Variants in METTL15 observed in about 807,000 individuals in gnomAD.
METTL15 encodes the protein 12S rRNA N(4)-cytidine methyltransferase METTL15.
In METTL15, 34 loss-of-function variants were observed where a neutral mutation model predicts 38.3. The observed-to-expected ratio is 0.89, with a 90% CI of 0.68 to 1.18. METTL15 has a LOEUF of 1.18. METTL15 is among the 50% of genes most tolerant of loss of function. The pLI, the probability that METTL15 is intolerant of heterozygous loss-of-function variation, is 0.00. For missense variants in METTL15, 438 were observed against 498.4 expected, an observed-to-expected ratio of 0.88 and a Z score of 1.15; for synonymous variants, 162 against 170.9, an observed-to-expected ratio of 0.95 and a Z score of 0.41.
downstream of METTL15, among the ~76,000 whole-genome samples, chr11:28,530,411 C>T (rs1851837895): frequency 6.6e-6 from 1 of 152,112 alleles, no homozygotes; most frequent in African/African-American, 2.4e-5. Context: ...TTTTAAATCT[C>T]CTTCAATTTT....
intron 6 of METTL15, among the ~76,000 whole-genome samples, chr11:28,469,986 A>AT (rs1310712703): frequency 7.2e-5 from 11 of 152,092 alleles, no homozygotes; most frequent in Non-Finnish European, 1.3e-4. Context: ...GTTAAACTCT[A>AT]TTTTTTAATT....
At chr11:28,462,479 TAC>T (rs10573384) in intron 6 of METTL15, among the ~76,000 whole-genome samples, 44,135 of 145,704 alleles carry the variant, frequency 0.3, 6,750 homozygotes, top group East Asian at 0.4. Flanking sequence ...CATACACGCT[TAC>T]ACACACACAC....
intron 5 of METTL15, among the ~76,000 whole-genome samples, chr11:28,381,670 G>A (rs2133385255): frequency 6.6e-6 from 1 of 152,128 alleles, no homozygotes; most frequent in East Asian, 1.9e-4. Flanking sequence ...TTTAAGTTCA[G>A]CAAATGTATT....
chr11:28,126,167 A>G (rs765832482), intron 3 of METTL15, among the ~76,000 whole-genome samples: 3 of 151,358 alleles, frequency 2.0e-5, no homozygotes, highest in Non-Finnish European at 2.9e-5. Flanking sequence ...TGACTCTCTC[A>G]CTCTGGTTGT....
chr11:28,412,032 C>A (rs1850732069), intron 5 of METTL15, among the ~76,000 whole-genome samples: 3 of 151,932 alleles, frequency 2.0e-5, no homozygotes, highest in Admixed American at 2.0e-4. Flanking sequence ...CAGATTAAAA[C>A]CACTATGAGA....
intron 4 of METTL15, among the ~76,000 whole-genome samples, chr11:28,216,236 A>G (rs1464934302): frequency 6.6e-6 from 1 of 152,116 alleles, no homozygotes; most frequent in Non-Finnish European, 1.5e-5. Context: ...ATAAGATTAC[A>G]CTATAAAATC....
chr11:28,305,706 A>G (rs1311468377), intron 6 of METTL15, among the ~76,000 whole-genome samples: 1 of 152,134 alleles, frequency 6.6e-6, no homozygotes, highest in Non-Finnish European at 1.5e-5. Flanking sequence ...GATAAATGCT[A>G]TAAATAATGG....
At chr11:28,258,398 C>T (rs909632800) in intron 4 of METTL15, among the ~76,000 whole-genome samples, 4 of 152,152 alleles carry the variant, frequency 2.6e-5, no homozygotes, top group Admixed American at 2.6e-4. Flanking sequence ...CCTATGTTCA[C>T]TTCAGGCCCT....
intron 4 of METTL15, among the ~76,000 whole-genome samples, chr11:28,248,363 C>T (rs191591595): frequency 6.6e-6 from 1 of 152,186 alleles, no homozygotes; most frequent in African/African-American, 2.4e-5. Context: ...TTTTGGCTGA[C>T]CTAATTGGTT....
the METTL15 span, among the ~76,000 whole-genome samples, chr11:28,532,069 A>G: frequency 6.6e-6 from 1 of 152,094 alleles, no homozygotes; most frequent in Admixed American, 6.6e-5. Context: ...GTCTTTCTCT[A>G]TCTAACTACC....
intron 4 of METTL15, among the ~76,000 whole-genome samples, chr11:28,274,951 ATAAT>A (rs1413385943): frequency 1.3e-4 from 19 of 151,430 alleles, no homozygotes; most frequent in African/African-American, 4.6e-4. Flanking sequence ...ATATATATAT[ATAAT>A]TAAAGAATGC....
At chr11:28,409,067 C>T (rs1194331816) in intron 5 of METTL15, among the ~76,000 whole-genome samples, 1 of 152,038 alleles carries the variant, frequency 6.6e-6, no homozygotes, top group Admixed American at 6.6e-5. Context: ...TTTTAGGCCA[C>T]AAAACAATTT....
At chr11:28,453,855 T>G (rs901384803) in intron 6 of METTL15, among the ~76,000 whole-genome samples, 2 of 152,170 alleles carry the variant, frequency 1.3e-5, no homozygotes, top group Non-Finnish European at 2.9e-5. Context: ...GAAAAATCTG[T>G]TTGGTTGGTT....
chr11:28,330,440 C>T lies in METTL15; in HGVS notation c.823C>T (p.Gln275Ter), dbSNP rs774926728. Residue 275 changes from glutamine to a stop codon, truncating the protein, a stop_gained, in exon 7 of 7, where the codon CAG (glutamine) becomes TAG (stop). Coordinates refer to ENST00000407364, the MANE Select transcript of METTL15 (RefSeq NM_001113528.2). LOFTEE classifies it high-confidence loss of function. ...TATTTATACACGGAAAGACTTACTA[C>T]AGCGATCTACCCATATTGCCACCAA... ...SAIYTRKDLL[Q>*]RSTHIATKTF... 9 of 1,551,136 alleles carry T rather than the reference C, an allele frequency of 5.8e-6. No homozygotes were observed. In the South Asian group the frequency reaches 6.0e-5, roughly 10 times the overall value.
chr11:28,302,138 C>G (rs945860775), intron 6 of METTL15, among the ~76,000 whole-genome samples: 3 of 151,982 alleles, frequency 2.0e-5, no homozygotes, highest in African/African-American at 7.3e-5. Context: ...GTCTCGAACT[C>G]TTGGCTTCAA....
chr11:28,454,361 G>T (rs959287664), intron 6 of METTL15, among the ~76,000 whole-genome samples: 1 of 152,186 alleles, frequency 6.6e-6, no homozygotes, highest in African/African-American at 2.4e-5. Context: ...GAAAACAATT[G>T]CAAAAGTAAT....
chr11:28,438,447 C>A (rs1180247164), intron 6 of METTL15, among the ~76,000 whole-genome samples: 2 of 152,108 alleles, frequency 1.3e-5, no homozygotes, highest in African/African-American at 4.8e-5. Flanking sequence ...TTTCTATTTT[C>A]TCTCTTGCTG....
intron 3 of METTL15, among the ~76,000 whole-genome samples, chr11:28,161,784 G>T (rs1467552951): frequency 6.6e-6 from 1 of 152,064 alleles, no homozygotes; most frequent in Non-Finnish European, 1.5e-5. Context: ...AGTTCAGCCT[G>T]GGATCTTTTG....
At chr11:28,181,588 C>T (rs1781963236) in intron 3 of METTL15, among the ~76,000 whole-genome samples, 1 of 89,244 alleles carries the variant, frequency 1.1e-5, no homozygotes, top group African/African-American at 2.9e-5. Flanking sequence ...GACATAAACT[C>T]ATCATTTTTT....
Sources: allele counts gnomAD v4.1 joint callset (sites outside exome capture counted in the v4.1 genomes callset), GRCh38; gene constraint gnomAD v4.1.1; transcripts MANE v1.5; gene names NCBI Gene and HGNC (gene_info 2026-07-23, HGNC 2026-07-21).